SLC9A2: variants seen among roughly 807,000 people sequenced by gnomAD.
The protein encoded by SLC9A2 is sodium/hydrogen exchanger 2.
Under a neutral mutation model 71.7 loss-of-function variants are expected in SLC9A2, and 42 were observed. The observed-to-expected ratio is 0.59, with a 90% CI of 0.46 to 0.76. The LOEUF (loss-of-function observed/expected upper bound fraction) is 0.76. Ranked by LOEUF, SLC9A2 falls within the 30% of genes least tolerant of loss-of-function variation. The pLI, the probability that SLC9A2 is intolerant of heterozygous loss-of-function variation, is 0.00. For missense variants in SLC9A2, 829 were observed against 1,017.4 expected, an observed-to-expected ratio of 0.81 and a Z score of 2.52; for synonymous variants, 396 against 392.5, an observed-to-expected ratio of 1.01 and a Z score of -0.10.
intron 3 of SLC9A2, among the ~76,000 whole-genome samples, chr2:102,667,532 C>T (rs1677164462): frequency 6.6e-6 from 1 of 152,108 alleles, no homozygotes; most frequent in Admixed American, 6.5e-5. Context: ...GGTGCATCCC[C>T]CATGTCGGTG....
chr2:102,689,184 T>G (rs1442188872), intron 5 of SLC9A2, among the ~76,000 whole-genome samples: 2 of 152,148 alleles, frequency 1.3e-5, no homozygotes, highest in Non-Finnish European at 2.9e-5. Context: ...CCTTGTCCCA[T>G]GGGGGTGACA....
At chr2:102,646,072 A>G (rs1382994967) in intron 1 of SLC9A2, among the ~76,000 whole-genome samples, 2 of 152,230 alleles carry the variant, frequency 1.3e-5, no homozygotes, top group Admixed American at 1.3e-4. Context: ...GGTTACCTAC[A>G]AAGGGAAGCC....
At chr2:102,683,209 T>C (rs1036502534) in intron 3 of SLC9A2, 52 bp from the exon 4 acceptor site, 3 of 1,325,628 alleles carry the variant, frequency 2.3e-6, no homozygotes, top group Non-Finnish European at 3.3e-6. Context: ...TCTCTTGCAT[T>C]CTGATTAAGA....
At chr2:102,653,730 G>A (rs575146939) in intron 1 of SLC9A2, among the ~76,000 whole-genome samples, 72 of 152,304 alleles carry the variant, frequency 4.7e-4, no homozygotes, top group African/African-American at 1.3e-3. Context: ...TCAGTGAAAG[G>A]AAAGAAAAAG....
intron 10 of SLC9A2, 132 bp downstream of exon 10, chr2:102,704,807 T>A: frequency 1.0e-6 from 1 of 977,754 alleles, no homozygotes; most frequent in Non-Finnish European, 1.5e-6. Flanking sequence ...GCAGGAAGGC[T>A]GGGGTGGCCG....
At chr2:102,689,517 C>T (rs977515683) in intron 5 of SLC9A2, among the ~76,000 whole-genome samples, 21 of 152,070 alleles carry the variant, frequency 1.4e-4, no homozygotes, top group Non-Finnish European at 2.2e-4. Flanking sequence ...TTGTGAAGAC[C>T]CTCAAATGTG....
At chr2:102,632,628 G>A (rs1676398105) in intron 1 of SLC9A2, among the ~76,000 whole-genome samples, 1 of 152,066 alleles carries the variant, frequency 6.6e-6, no homozygotes, top group Non-Finnish European at 1.5e-5. Context: ...TAATTCTGGT[G>A]GGTAGGGCAG....
intron 3 of SLC9A2, among the ~76,000 whole-genome samples, chr2:102,668,639 G>A (rs1023254093): frequency 1.3e-5 from 2 of 152,218 alleles, no homozygotes; most frequent in African/African-American, 2.4e-5. Flanking sequence ...ACTTTCCCTT[G>A]TTTTCTTAAG....
At chr2:102,626,643 G>C (rs949958591) in intron 1 of SLC9A2, among the ~76,000 whole-genome samples, 2 of 152,168 alleles carry the variant, frequency 1.3e-5, no homozygotes, top group Admixed American at 6.5e-5. Flanking sequence ...GCAACCTACA[G>C]AGTGGGAGAA....
chr2:102,653,693 A>G (rs1676877958), intron 1 of SLC9A2, among the ~76,000 whole-genome samples: 1 of 152,216 alleles, frequency 6.6e-6, no homozygotes. Context: ...ACCCCATGTG[A>G]AAGCATGGGT....
intron 1 of SLC9A2, among the ~76,000 whole-genome samples, chr2:102,635,002 A>G (rs930007218): frequency 6.6e-6 from 1 of 152,218 alleles, no homozygotes; most frequent in Non-Finnish European, 1.5e-5. Flanking sequence ...ACTTGTGGTA[A>G]GCACGTTGTT....
chr2:102,627,727 A>G (rs1676276445), intron 1 of SLC9A2, among the ~76,000 whole-genome samples: 1 of 151,982 alleles, frequency 6.6e-6, no homozygotes, highest in East Asian at 1.9e-4. Flanking sequence ...TACATTTATG[A>G]TTTACTTACT....
intron 7 of SLC9A2, among the ~76,000 whole-genome samples, chr2:102,695,721 C>T (rs1677742519): frequency 7.2e-6 from 1 of 139,166 alleles, no homozygotes; most frequent in South Asian, 2.2e-4. Context: ...GAGATTCAGA[C>T]CATCTAAGGA....
At chr2:102,660,539 G>A (rs1267653068) in intron 2 of SLC9A2, among the ~76,000 whole-genome samples, 1 of 152,190 alleles carries the variant, frequency 6.6e-6, no homozygotes, top group Non-Finnish European at 1.5e-5. Context: ...AGAATAATTA[G>A]AACAATGGTG....
chr2:102,702,726 G>A lies in SLC9A2; in HGVS notation c.1845+224G>A, dbSNP rs535555266. On this transcript the variant is annotated intron_variant, in intron 9 of 11. Transcript: ENST00000233969. ...GTCCCCTGGGAGTTCTGCTGCTGTG[G>A]GCTTGGATACAAAGAAATACACGTT... 6.6e-5 allele frequency among the ~76,000 whole-genome samples: 10 copies of A among 152,168 alleles called. No individual in the cohort carries two copies. In the East Asian group the frequency reaches 1.7e-3, roughly 26 times the overall value.
intron 1 of SLC9A2, among the ~76,000 whole-genome samples, chr2:102,653,841 C>T (rs1198344704): frequency 6.6e-6 from 1 of 152,236 alleles, no homozygotes; most frequent in African/African-American, 2.4e-5. Context: ...AAACTGTTTT[C>T]TCTTGCCTTC....
intron 1 of SLC9A2, among the ~76,000 whole-genome samples, chr2:102,622,528 C>T (rs190285406): frequency 3.9e-5 from 6 of 151,966 alleles, no homozygotes; most frequent in Admixed American, 2.0e-4. Flanking sequence ...GTCACCATGC[C>T]GGGTAGGTGT....
intron 1 of SLC9A2, among the ~76,000 whole-genome samples, chr2:102,624,312 T>C (rs536152914): frequency 2.8e-4 from 42 of 152,342 alleles, no homozygotes; most frequent in African/African-American, 9.9e-4. Flanking sequence ...ACTTTGAATA[T>C]TTATATTTTG....
chr2:102,637,410 C>G (rs78489588), intron 1 of SLC9A2, among the ~76,000 whole-genome samples: 4,094 of 152,288 alleles, frequency 0.027, 123 homozygotes, highest in African/African-American at 0.072. Flanking sequence ...GTTATTATTT[C>G]CTGGGGCACA....
Sources: gnomAD v4.1 joint callset for allele counts (sites outside exome capture counted in the v4.1 genomes callset) on GRCh38, gnomAD v4.1.1 for gene constraint, MANE v1.5 for transcripts, NCBI Gene and HGNC (gene_info 2026-07-23, HGNC 2026-07-21) for gene names.